TSPAN14: variants seen among roughly 807,000 people sequenced by gnomAD.
TSPAN14 encodes tetraspanin 14.
A neutral mutation model predicts 36.6 loss-of-function variants in TSPAN14; 16 were observed. That is an observed-to-expected ratio of 0.44 (90% confidence interval 0.30 to 0.66). TSPAN14 has a LOEUF of 0.66. Among genes scored for constraint, TSPAN14 ranks in the 30% least tolerant of loss-of-function variants. TSPAN14 has a pLI of 0.12. For synonymous variants in TSPAN14, 139 were observed against 143.8 expected, an observed-to-expected ratio of 0.97 and a Z score of 0.24; for missense variants, 231 against 355.1, an observed-to-expected ratio of 0.65 and a Z score of 2.81.
intron 2 of TSPAN14, among the ~76,000 whole-genome samples, chr10:80,492,393 C>T (rs528872001): frequency 7.2e-5 from 11 of 152,238 alleles, no homozygotes; most frequent in Admixed American, 6.5e-4. Flanking sequence ...AAGGATTGCA[C>T]GTGTTGATGG....
At chr10:80,518,242 T>G (rs146209767) in exon 9 of TSPAN14, 305 of 513,032 alleles carry the variant, frequency 5.9e-4, no homozygotes, top group African/African-American at 5.3e-3. Flanking sequence ...GTGGTGACTC[T>G]GAAAGACAGA....
chr10:80,501,318 G>T (rs1317750105), intron 2 of TSPAN14, among the ~76,000 whole-genome samples: 9 of 140,574 alleles, frequency 6.4e-5, no homozygotes, highest in Non-Finnish European at 1.4e-4. Flanking sequence ...AGAGATGGGG[G>T]TCTTGCTATG....
intron 1 of TSPAN14, among the ~76,000 whole-genome samples, chr10:80,456,922 C>T (rs1845758434): frequency 2.0e-5 from 3 of 152,050 alleles, no homozygotes; most frequent in South Asian, 2.1e-4. Flanking sequence ...ATTAGCTGGG[C>T]GTGGTGGCAC....
intron 1 of TSPAN14, among the ~76,000 whole-genome samples, chr10:80,465,003 A>C (rs1846162199): frequency 6.6e-6 from 1 of 152,092 alleles, no homozygotes; most frequent in African/African-American, 2.4e-5. Flanking sequence ...AAGGCCCATC[A>C]TGTGTTCTCA....
Position 80,512,288 on chromosome 10 carries a change from G to A in TSPAN14, c.576+19G>A. The A allele has an allele frequency of 1.2e-6, 2 of 1,612,868 alleles. No homozygotes were observed. Among genetic ancestry groups the A allele is most frequent in the Non-Finnish European group, 1.7e-6 (2 of 1,179,828 alleles). On this transcript the variant is annotated intron_variant, in intron 6 of 8. Coordinates refer to ENST00000429989, the Ensembl canonical transcript of TSPAN14. Reference sequence around the variant, plus strand: ...TCCTGCGGTGAGTTGGCTTGTGCTGGGGCACAGGGAGCCCGCCCTTCCTGA... The same window carrying A: ...TCCTGCGGTGAGTTGGCTTGTGCTGAGGCACAGGGAGCCCGCCCTTCCTGA...
intron 2 of TSPAN14, among the ~76,000 whole-genome samples, chr10:80,500,651 A>G (rs1323753825): frequency 6.6e-6 from 1 of 152,082 alleles, no homozygotes; most frequent in East Asian, 1.9e-4. Flanking sequence ...ACGCCTGGCC[A>G]AGTCCTTATT....
chr10:80,490,223 T>G (rs1162677775), intron 2 of TSPAN14, among the ~76,000 whole-genome samples: 1 of 152,118 alleles, frequency 6.6e-6, no homozygotes, highest in African/African-American at 2.4e-5. Flanking sequence ...GGGGTACATT[T>G]AAGTTATCTC....
intron 7 of TSPAN14, among the ~76,000 whole-genome samples, chr10:80,514,506 G>A (rs1840827391): frequency 6.6e-6 from 1 of 152,166 alleles, no homozygotes; most frequent in Non-Finnish European, 1.5e-5. Context: ...CTGTCCTCCA[G>A]GACTTCCTTT....
intron 1 of TSPAN14, among the ~76,000 whole-genome samples, chr10:80,479,770 A>T (rs535526306): frequency 6.6e-6 from 1 of 151,306 alleles, no homozygotes; most frequent in Admixed American, 6.6e-5. Flanking sequence ...TGACTTGGCG[A>T]TGCGGGCTCT....
At chr10:80,471,351 T>C (rs984528372) in intron 1 of TSPAN14, among the ~76,000 whole-genome samples, 1 of 152,040 alleles carries the variant, frequency 6.6e-6, no homozygotes, top group Non-Finnish European at 1.5e-5. Context: ...CTTGCTGATC[T>C]AGGGAGGCCA....
chr10:80,480,519 C>T (rs1589256905), intron 1 of TSPAN14, among the ~76,000 whole-genome samples: 1 of 152,116 alleles, frequency 6.6e-6, no homozygotes, highest in East Asian at 1.9e-4. Flanking sequence ...AGCAAAGACT[C>T]GGAACCAACC....
At chr10:80,500,214 C>A (rs1259431136) in intron 2 of TSPAN14, among the ~76,000 whole-genome samples, 2 of 151,778 alleles carry the variant, frequency 1.3e-5, no homozygotes, top group African/African-American at 4.8e-5. Flanking sequence ...GTTCATTGAA[C>A]CCATGATCTG....
chr10:80,486,790 T>C (rs2132007372), intron 1 of TSPAN14, among the ~76,000 whole-genome samples: 1 of 152,356 alleles, frequency 6.6e-6, no homozygotes, highest in African/African-American at 2.4e-5. Context: ...TCCAGCTGAA[T>C]TGACAGTTCT....
chr10:80,502,044 G>T (rs528643555), intron 2 of TSPAN14, among the ~76,000 whole-genome samples: 1 of 152,246 alleles, frequency 6.6e-6, no homozygotes, highest in African/African-American at 2.4e-5. Context: ...ACACATGGAG[G>T]ATGGGGAGCA....
chr10:80,492,165 A>C (rs1173048033), intron 2 of TSPAN14, among the ~76,000 whole-genome samples: 2 of 152,200 alleles, frequency 1.3e-5, no homozygotes, highest in Non-Finnish European at 2.9e-5. Context: ...GGAATGCCCA[A>C]GCCCTTACCT....
At chr10:80,480,422 A>G (rs1564721728) in intron 1 of TSPAN14, among the ~76,000 whole-genome samples, 1 of 152,192 alleles carries the variant, frequency 6.6e-6, no homozygotes, top group African/African-American at 2.4e-5. Context: ...CAGCCATCCC[A>G]TTACTGGGTA....
At chr10:80,503,493 C>T (rs1451326345) in intron 2 of TSPAN14, among the ~76,000 whole-genome samples, 2 of 152,026 alleles carry the variant, frequency 1.3e-5, no homozygotes, top group African/African-American at 4.8e-5. Flanking sequence ...GGCCCCAGTG[C>T]TCTGCTTTTG....
At chr10:80,517,725 TTTTGC>T (rs1841011576) in intron 8 of TSPAN14, among the ~76,000 whole-genome samples, 175 bp from the exon 9 acceptor site, 1 of 152,170 alleles carries the variant, frequency 6.6e-6, no homozygotes, top group African/African-American at 2.4e-5. Context: ...AGGACCCCTT[TTTTGC>T]GGGAGGGGTG....
chr10:80,509,774 CA>C lies in TSPAN14; in HGVS notation c.450+305del. ...GGCCCCAGATCTTTCCAATCCTGCC[CA>C]ATAGCCATACCAGCTGCAATCCTCC... On this transcript the variant is annotated intron_variant, in intron 5 of 8. Transcript: ENST00000429989. This position sits in a 1 kb window ranked among gnomAD's most constrained non-coding sequence, Gnocchi z 4.7. 1 of 360,594 alleles carries C rather than the reference CA, an allele frequency of 2.8e-6. No homozygotes were observed. Among genetic ancestry groups the C allele is most frequent in the Non-Finnish European group, 5.1e-6 (1 of 194,298 alleles). 22.3% of individuals were successfully genotyped at this position (360,594 alleles called of 1,614,324 possible).
Sources: allele counts gnomAD v4.1 joint callset (sites outside exome capture counted in the v4.1 genomes callset), GRCh38; gene constraint gnomAD v4.1.1; non-coding constraint Gnocchi (gnomAD v3.1); transcripts MANE v1.5; gene names NCBI Gene and HGNC (gene_info 2026-07-23, HGNC 2026-07-21).